Variants in TTYH1 observed in about 807,000 individuals in gnomAD.
The protein encoded by TTYH1 is protein tweety homolog 1.
Under a neutral mutation model 61.2 loss-of-function variants are expected in TTYH1, and 33 were observed. The ratio of observed to expected loss-of-function variants is 0.54; its 90% confidence interval spans 0.41 to 0.72. The LOEUF (loss-of-function observed/expected upper bound fraction) is 0.72, where lower values mean the gene tolerates loss of function less well. Ranked by LOEUF, TTYH1 falls within the 30% of genes least tolerant of loss-of-function variation. TTYH1 has a pLI of 0.00. For synonymous variants in TTYH1, 308 were observed against 266.4 expected (o/e 1.16, Z -1.52); for missense variants, 538 against 575.8 (o/e 0.93, Z 0.67).
At chr19:54,422,744 C>T (rs911780887) in intron 4 of TTYH1, among the ~76,000 whole-genome samples, 4 of 151,792 alleles carry the variant, frequency 2.6e-5, no homozygotes, top group African/African-American at 4.8e-5. Flanking sequence ...GCCTGGCCAA[C>T]GTGGAGAAAC....
In TTYH1 at chr19:54,419,011, T is replaced by G. The variant is rs900441999; in HGVS notation, c.127-117T>G. On this transcript the variant is annotated intron_variant, in intron 1 of 13. Transcript: ENST00000376530. This position sits in a 1 kb window ranked among gnomAD's most constrained non-coding sequence, Gnocchi z 6.1. The stretch of plus-strand genomic sequence containing the variant: ...ATCTCCCCCAAGATTAGGCCAGGGA[T>G]GTCTCCCACCTTCACTCTGACATCC... The G allele has an allele frequency of 1.4e-5, 14 of 1,025,744 alleles. No individual in the cohort carries two copies. The African/African-American group carries it at 2.1e-4, about 15-fold the overall frequency. The allele number at this position is 1,025,744 out of a possible 1,614,324, so 63.5% of individuals were successfully genotyped here.
At chr19:54,426,018 G>A (rs1251993452) in intron 4 of TTYH1, among the ~76,000 whole-genome samples, 1 of 152,052 alleles carries the variant, frequency 6.6e-6, no homozygotes, top group Non-Finnish European at 1.5e-5. Flanking sequence ...GCCCGGCCAA[G>A]TATTAACTAT....
At position 54,416,065 on chromosome 19, in the gene TTYH1, A is replaced by C; in HGVS notation, c.126+387A>C. The C allele has an allele frequency of 2.3e-6, 3 of 1,308,408 alleles. No homozygotes were observed. Among genetic ancestry groups the C allele is most frequent in the Non-Finnish European group, 3.0e-6 (3 of 991,708 alleles). 81.0% of individuals were successfully genotyped at this position (1,308,408 alleles called of 1,614,324 possible). On this transcript the variant is annotated intron_variant, in intron 1 of 13. Transcript: ENST00000376530. The surrounding 1 kb of genome is among the most constrained non-coding windows in gnomAD (Gnocchi z 7.0). Reference sequence around the variant, plus strand: ...TGACCCTGCCCCACAGGATCAGAGCAGGTGAATATGTCCCAGATAAGGTGG... The same window carrying C: ...TGACCCTGCCCCACAGGATCAGAGCCGGTGAATATGTCCCAGATAAGGTGG...
chr19:54,415,549 G>T lies in TTYH1; in HGVS notation c.-4G>T, dbSNP rs775236470. 2 of 1,469,400 alleles carry T rather than the reference G, an allele frequency of 1.4e-6. No homozygotes were observed. Among genetic ancestry groups the T allele is most frequent in the Non-Finnish European group, 1.8e-6 (2 of 1,115,146 alleles). 91.0% of individuals were successfully genotyped at this position (1,469,400 alleles called of 1,614,324 possible). On this transcript the variant is annotated 5_prime_UTR_variant, in exon 1 of 14. Coordinates refer to ENST00000376530, the MANE Select transcript of TTYH1 (RefSeq NM_020659.4). This position sits in a 1 kb window ranked among gnomAD's most constrained non-coding sequence, Gnocchi z 5.2. ...CCGCCCCGCTGCCCCCTCCCCCGGG[G>T]GCCATGGGGGCGCCCCCGGGCTACC...
chr19:54,435,386 T>G (rs2083522642), intron 10 of TTYH1, among the ~76,000 whole-genome samples, 156 bp from the exon 11 acceptor site: 1 of 152,094 alleles, frequency 6.6e-6, no homozygotes, highest in Admixed American at 6.5e-5. Flanking sequence ...CCCACTGTAT[T>G]CTCAGAACTG....
intron 10 of TTYH1, 104 bp downstream of exon 10, chr19:54,431,295 GAT>G (rs1405601963): frequency 1.3e-6 from 1 of 754,554 alleles, no homozygotes; most frequent in Non-Finnish European, 2.3e-6. Flanking sequence ...TGCGCCTGAG[GAT>G]ATCTCTGTAT....
chr19:54,415,963 G>C lies in TTYH1; in HGVS notation c.126+285G>C, dbSNP rs767097527. 1 of 1,174,660 alleles carries C rather than the reference G, an allele frequency of 8.5e-7. No individual in the cohort carries two copies. Among genetic ancestry groups the C allele is most frequent in the South Asian group, 1.3e-5 (1 of 75,154 alleles). 72.8% of individuals were successfully genotyped at this position (1,174,660 alleles called of 1,614,324 possible). A position where few individuals can be genotyped will look rare whatever the true frequency, so the allele number is the denominator to read the frequency against. ...GGAGGGGAGGGGGGCCCGGATTCCC[G>C]GGTGTCTGATACCTGCCTGGGAAGC... On this transcript the variant is annotated intron_variant, in intron 1 of 13. Transcript: ENST00000376530. This position sits in a 1 kb window ranked among gnomAD's most constrained non-coding sequence, Gnocchi z 5.2.
At position 54,419,010 on chromosome 19, in the gene TTYH1, A is replaced by G. The variant is rs2083145746; in HGVS notation, c.127-118A>G. On this transcript the variant is annotated intron_variant, in intron 1 of 13. Transcript: ENST00000376530. The surrounding 1 kb of genome is among the most constrained non-coding windows in gnomAD (Gnocchi z 6.1). ...AATCTCCCCCAAGATTAGGCCAGGG[A>G]TGTCTCCCACCTTCACTCTGACATC... The G allele has an allele frequency of 4.9e-6, 5 of 1,017,010 alleles. No homozygotes were observed. The highest frequency in any genetic ancestry group is 7.2e-6 in the Non-Finnish European group (5 of 695,900). 63.0% of individuals were successfully genotyped at this position (1,017,010 alleles called of 1,614,324 possible).
chr19:54,416,901 C>G lies in TTYH1; in HGVS notation c.126+1223C>G. 1 of 1,286,916 alleles carries G rather than the reference C, an allele frequency of 7.8e-7. No homozygotes were observed. Among genetic ancestry groups the G allele is most frequent in the Non-Finnish European group, 1.0e-6 (1 of 985,932 alleles). The allele number at this position is 1,286,916 out of a possible 1,614,324, so 79.7% of individuals were successfully genotyped here. ...ACCTCCCGAAGCCGCACGCGGGGAT[C>G]CGCGGCCCCAGTCACCGCCAGAGGC... On this transcript the variant is annotated intron_variant, in intron 1 of 13. Transcript: ENST00000376530. This position sits in a 1 kb window ranked among gnomAD's most constrained non-coding sequence, Gnocchi z 7.0.
intron 4 of TTYH1, among the ~76,000 whole-genome samples, chr19:54,425,618 C>G (rs550586784): frequency 6.6e-6 from 1 of 152,092 alleles, no homozygotes; most frequent in South Asian, 2.1e-4. Flanking sequence ...TAGTCGGCCT[C>G]GGACATCCAG....
At position 54,436,591 on chromosome 19, in the gene TTYH1, G is replaced by A. The variant is rs2083557950; in HGVS notation, c.*301G>A. 2.3e-5 allele frequency: 14 copies of A among 599,998 alleles called. No homozygotes were observed. The East Asian group carries it at 3.1e-4, about 13-fold the overall frequency. 37.2% of individuals were successfully genotyped at this position (599,998 alleles called of 1,614,324 possible). ...CCATCCTTGGAGGGACTAAGCTGGGGGTGGGGGACATGAGTCCCCCTGCTG... is the reference window on the plus strand; with the variant it reads ...CCATCCTTGGAGGGACTAAGCTGGGAGTGGGGGACATGAGTCCCCCTGCTG... On this transcript the variant is annotated 3_prime_UTR_variant, in exon 14 of 14. Transcript: ENST00000376530. The surrounding 1 kb of genome is among the most constrained non-coding windows in gnomAD (Gnocchi z 4.3).
rs2083544428 is a variant in TTYH1 at position 54,436,054 on chromosome 19, T to A, written c.1315-37T>A. On this transcript the variant is annotated intron_variant, in intron 12 of 13. Coordinates refer to ENST00000376530, the MANE Select transcript of TTYH1 (RefSeq NM_020659.4). The surrounding 1 kb of genome is among the most constrained non-coding windows in gnomAD (Gnocchi z 4.3). Reference sequence around the variant, plus strand: ...AGTACAAAGCCAATTCCCACTCCATTCCCTCCTCTCCCCCGCTACCCCGAA... The same window carrying A: ...AGTACAAAGCCAATTCCCACTCCATACCCTCCTCTCCCCCGCTACCCCGAA... The A allele has an allele frequency of 6.2e-6, 10 of 1,607,764 alleles. No individual in the cohort carries two copies. Among genetic ancestry groups the A allele is most frequent in the Non-Finnish European group, 8.5e-6 (10 of 1,174,788 alleles).
intron 4 of TTYH1, among the ~76,000 whole-genome samples, chr19:54,423,398 A>G (rs1293427309): frequency 6.6e-6 from 1 of 151,930 alleles, no homozygotes; most frequent in African/African-American, 2.4e-5. Flanking sequence ...GGGTTTCACC[A>G]TGTTAGCCAG....
chr19:54,435,592 G>T lies in TTYH1; in HGVS notation c.1176G>T (p.Leu392=). The stretch of plus-strand genomic sequence containing the variant: ...TGTGCGAAGACGCCCTGGAAGGCCT[G>T]CTCTTCCTGCTACTCTTCTCCCTGC... ...RGLCEDALEG[L]LFLLLFSLLS... The change falls in exon 11 of 14, where the codon CTG becomes CTT. Residue 392 remains leucine (L), a synonymous_variant. Transcript: ENST00000376530. 1 of 1,611,160 alleles carries T rather than the reference G, an allele frequency of 6.2e-7. No individual in the cohort carries two copies. The highest frequency in any genetic ancestry group is 1.3e-5 in the African/African-American group (1 of 75,012).
Position 54,419,419 on chromosome 19 carries a change from A to G in TTYH1, c.305+113A>G. 1 of 1,165,068 alleles carries G rather than the reference A, an allele frequency of 8.6e-7. No homozygotes were observed. The highest frequency in any genetic ancestry group is 1.2e-6 in the Non-Finnish European group (1 of 808,666). 72.2% of individuals were successfully genotyped at this position (1,165,068 alleles called of 1,614,324 possible). On this transcript the variant is annotated intron_variant, in intron 2 of 13. Transcript: ENST00000376530. The surrounding 1 kb of genome is among the most constrained non-coding windows in gnomAD (Gnocchi z 6.1). ...GGAGGAAGCAGACAGGAAGGAGGAA[A>G]CTCCCTCGTCCCTGTCCCTGCCATT...
At chr19:54,430,760 G>C in intron 8 of TTYH1, 53 bp from the exon 9 acceptor site, 1 of 1,594,218 alleles carries the variant, frequency 6.3e-7, no homozygotes. Context: ...AGAGGAGAGA[G>C]GGCCGGGGGC....
intron 10 of TTYH1, chr19:54,431,729 G>A: frequency 6.4e-6 from 1 of 157,368 alleles, no homozygotes; most frequent in South Asian, 1.8e-4. Context: ...GCAGGGGTGG[G>A]CAGGGTGCCC....
chr19:54,422,304 C>T lies in TTYH1; in HGVS notation c.532C>T (p.Gln178Ter), dbSNP rs901308454. The change falls in exon 4 of 14, where the codon CAG becomes TAG. Residue 178 changes from glutamine (Q) to a stop codon, truncating the protein, a stop_gained. Transcript: ENST00000376530. LOFTEE classifies it high-confidence loss of function. ...GGCTGCCGCCCGAGGGGCTCGACGG[C>T]AGGCGGAGGCTGCGGCCCAGCAGCT... ...LVAAARGARR[Q>*]AEAAAQQLQG... The T allele has an allele frequency of 6.4e-7, 1 of 1,564,972 alleles. No individual in the cohort carries two copies. The highest frequency in any genetic ancestry group is 8.7e-7 in the Non-Finnish European group (1 of 1,155,858).
chr19:54,433,668 G>A (rs1279665812), intron 10 of TTYH1: 1 of 151,082 alleles, frequency 6.6e-6, no homozygotes, highest in Non-Finnish European at 1.5e-5. Flanking sequence ...GAGCTCAGGA[G>A]TTCAAGACCA....
Sources: gnomAD v4.1 joint callset for allele counts (sites outside exome capture counted in the v4.1 genomes callset) on GRCh38, gnomAD v4.1.1 for gene constraint, Gnocchi (gnomAD v3.1) non-coding constraint, MANE v1.5 for transcripts, NCBI Gene and HGNC (gene_info 2026-07-23, HGNC 2026-07-21) for gene names.